Variants in DNAJC5B observed in about 807,000 individuals in gnomAD.
The protein encoded by DNAJC5B is DnaJ heat shock protein family (Hsp40) member C5 beta.
DNAJC5B carries 23 observed loss-of-function variants against 24.7 expected under a neutral mutation model. That is an observed-to-expected ratio of 0.93 (90% CI 0.67 to 1.32). The LOEUF (loss-of-function observed/expected upper bound fraction) is 1.32, where lower values mean the gene tolerates loss of function less well. Among genes scored for constraint, DNAJC5B ranks in the 40% most tolerant of loss-of-function variants. DNAJC5B has a pLI of 0.00. For missense variants in DNAJC5B, 238 were observed against 240.8 expected (o/e 0.99, Z 0.08); for synonymous variants, 101 against 90.1 (o/e 1.12, Z -0.68).
chr8:66,074,091 T>C (rs1190575391), intron 3 of DNAJC5B, among the ~76,000 whole-genome samples: 1 of 152,160 alleles, frequency 6.6e-6, no homozygotes, highest in Non-Finnish European at 1.5e-5. Flanking sequence ...CAAATTAATT[T>C]TAAAAACCAA....
intron 3 of DNAJC5B, among the ~76,000 whole-genome samples, chr8:66,055,086 G>T (rs1806935456): frequency 6.6e-6 from 1 of 152,044 alleles, no homozygotes; most frequent in Admixed American, 6.6e-5. Flanking sequence ...GTTAATTAAG[G>T]CATTAATTAT....
At chr8:66,066,998 G>A (rs1563601793) in intron 3 of DNAJC5B, among the ~76,000 whole-genome samples, 2 of 118,520 alleles carry the variant, frequency 1.7e-5, no homozygotes, top group South Asian at 4.3e-4. Flanking sequence ...ATACACAAAG[G>A]CTGTCTTTGG....
In DNAJC5B at chr8:66,062,828, A is replaced by G. The variant is rs577982860; in HGVS notation, c.119+11162A>G. ...GGTGACAGAGCGAGATCCTGTCTCT[A>G]AACAAAACAAAACCCTAAATAGATA... On this transcript the variant is annotated intron_variant, in intron 3 of 5. Coordinates refer to ENST00000276570, the MANE Select transcript of DNAJC5B (RefSeq NM_033105.6). Among the ~76,000 whole-genome samples the G allele has an allele frequency of 1.4e-3, 213 of 152,268 alleles. No individual in the cohort carries two copies. In the Middle Eastern group the frequency reaches 0.02, roughly 15 times the overall value.
chr8:66,015,654 G>A, the DNAJC5B span, among the ~76,000 whole-genome samples: 2 of 152,162 alleles, frequency 1.3e-5, no homozygotes, highest in Non-Finnish European at 2.9e-5. Context: ...GTATTAAATG[G>A]GGGCTCAGGT....
intron 4 of DNAJC5B, among the ~76,000 whole-genome samples, chr8:66,077,692 C>G (rs528066648): frequency 6.6e-6 from 1 of 152,092 alleles, no homozygotes; most frequent in African/African-American, 2.4e-5. Context: ...TCTAAAAAGG[C>G]AGGTTTACTA....
intron 3 of DNAJC5B, among the ~76,000 whole-genome samples, chr8:66,067,471 C>G (rs961075993): frequency 2.6e-5 from 4 of 152,058 alleles, no homozygotes; most frequent in Non-Finnish European, 4.4e-5. Flanking sequence ...CATCAACAAC[C>G]ATGCCTGCTG....
intron 4 of DNAJC5B, among the ~76,000 whole-genome samples, chr8:66,080,145 AGTCAT>A (rs1173619872): frequency 6.6e-6 from 1 of 152,178 alleles, no homozygotes; most frequent in East Asian, 1.9e-4. Context: ...TTTGGCTACA[AGTCAT>A]TTCCTCTGAG....
intron 5 of DNAJC5B, among the ~76,000 whole-genome samples, chr8:66,099,306 G>T (rs1808022858): frequency 6.6e-6 from 1 of 152,082 alleles, no homozygotes; most frequent in Admixed American, 6.6e-5. Flanking sequence ...GAACATTTTT[G>T]GGGCAGCTTT....
At chr8:66,029,016 T>G (rs941248065) in intron 1 of DNAJC5B, among the ~76,000 whole-genome samples, 2 of 152,318 alleles carry the variant, frequency 1.3e-5, no homozygotes, top group South Asian at 4.1e-4. Flanking sequence ...CCTTCAATTT[T>G]CCAGCTTGCC....
At chr8:66,016,609 T>C (rs574048714), upstream of DNAJC5B, among the ~76,000 whole-genome samples, 8 of 152,224 alleles carry the variant, frequency 5.3e-5, no homozygotes, top group Non-Finnish European at 7.3e-5. Flanking sequence ...CAATGAGTGA[T>C]TTAGTCACTC....
At chr8:66,087,118 A>G (rs757697854) in intron 5 of DNAJC5B, among the ~76,000 whole-genome samples, 54 of 152,168 alleles carry the variant, frequency 3.5e-4, no homozygotes, top group Non-Finnish European at 6.3e-4. Context: ...GGTTTAATTG[A>G]CTCACAGTTC....
At chr8:66,093,245 T>C (rs777615027) in intron 5 of DNAJC5B, among the ~76,000 whole-genome samples, 1 of 152,190 alleles carries the variant, frequency 6.6e-6, no homozygotes, top group East Asian at 1.9e-4. Context: ...AGAGTTTTTC[T>C]AGGTATATAC....
intron 4 of DNAJC5B, among the ~76,000 whole-genome samples, chr8:66,078,584 A>G (rs1807522776): frequency 6.6e-6 from 1 of 152,176 alleles, no homozygotes; most frequent in Admixed American, 6.5e-5. Flanking sequence ...ATTGCATGGT[A>G]AAAACAAAAA....
At chr8:66,083,241 G>A (rs1807642862) in intron 5 of DNAJC5B, among the ~76,000 whole-genome samples, 1 of 151,854 alleles carries the variant, frequency 6.6e-6, no homozygotes, top group South Asian at 2.1e-4. Context: ...TTGATCTCCT[G>A]ACCTTGTGAT....
Position 66,039,022 on chromosome 8 carries a change from G to A in DNAJC5B, c.-141-4466G>A, listed in dbSNP as rs189019618. On this transcript the variant is annotated intron_variant, in intron 1 of 5. Transcript: ENST00000276570. ...ACCTTGACACTAGAACTGTGAGTTA[G>A]ACTTTATTAGTGAACACACTTATTG... is the stretch of plus-strand genomic sequence containing the variant. Among the ~76,000 whole-genome samples, 111 of 152,314 alleles carry A rather than the reference G, an allele frequency of 7.3e-4. No individual in the cohort carries two copies. The Middle Eastern group carries it at 0.01, about 14-fold the overall frequency.
chr8:66,042,928 T>A (rs1806645877), intron 1 of DNAJC5B, among the ~76,000 whole-genome samples: 1 of 152,030 alleles, frequency 6.6e-6, no homozygotes, highest in African/African-American at 2.4e-5. Context: ...AGGACCCCAC[T>A]GTGCCAAATT....
At chr8:66,037,655 G>T (rs1321546401) in intron 1 of DNAJC5B, among the ~76,000 whole-genome samples, 2 of 152,202 alleles carry the variant, frequency 1.3e-5, no homozygotes, top group Non-Finnish European at 2.9e-5. Flanking sequence ...GGAACCTTCC[G>T]ATGACACTCA....
chr8:66,075,382 G>A (rs986025722), intron 3 of DNAJC5B, among the ~76,000 whole-genome samples: 3 of 152,024 alleles, frequency 2.0e-5, no homozygotes, highest in Non-Finnish European at 2.9e-5. Flanking sequence ...CCATGGGGGG[G>A]GAAATGCTGC....
upstream of DNAJC5B, among the ~76,000 whole-genome samples, chr8:66,017,703 A>C (rs1805991263): frequency 6.6e-6 from 1 of 152,186 alleles, no homozygotes; most frequent in Non-Finnish European, 1.5e-5. Flanking sequence ...ACTGGTTTCC[A>C]GTGGGTCACT....
Sources: gnomAD v4.1 joint callset for allele counts (sites outside exome capture counted in the v4.1 genomes callset) on GRCh38, gnomAD v4.1.1 for gene constraint, MANE v1.5 for transcripts, NCBI Gene and HGNC (gene_info 2026-07-23, HGNC 2026-07-21) for gene names.